The following GNG12 variants were observed in gnomAD, a reference collection of about 807,000 sequenced individuals.
GNG12 encodes the protein G protein subunit gamma 12.
For missense variants in GNG12, 69 were observed against 83.8 expected, an observed-to-expected ratio of 0.82 and a Z score of 0.69; for synonymous variants, 28 against 29.7, an observed-to-expected ratio of 0.94 and a Z score of 0.19.
chr1:67,796,915 G>C (rs1464279772), intron 1 of GNG12, among the ~76,000 whole-genome samples: 1 of 152,164 alleles, frequency 6.6e-6, no homozygotes, highest in African/African-American at 2.4e-5. Context: ...GGCAAAGGGG[G>C]AACAGGTGTG....
At chr1:67,818,729 G>T (rs567289699) in intron 1 of GNG12, among the ~76,000 whole-genome samples, 1 of 152,232 alleles carries the variant, frequency 6.6e-6, no homozygotes, top group African/African-American at 2.4e-5. Context: ...GAGAGATCAA[G>T]AATAATGTTC....
At chr1:67,779,588 G>T (rs1646725587) in intron 1 of GNG12, among the ~76,000 whole-genome samples, 1 of 152,100 alleles carries the variant, frequency 6.6e-6, no homozygotes, top group East Asian at 1.9e-4. Context: ...GTATCAGTGG[G>T]TCTTCACATC....
At chr1:67,770,515 G>T (rs934688001) in intron 2 of GNG12, among the ~76,000 whole-genome samples, 1 of 152,084 alleles carries the variant, frequency 6.6e-6, no homozygotes, top group African/African-American at 2.4e-5. Context: ...GGCAGCCTGG[G>T]TGTCTTTGCA....
chr1:67,779,248 A>G (rs1646723714), intron 1 of GNG12, among the ~76,000 whole-genome samples: 1 of 152,198 alleles, frequency 6.6e-6, no homozygotes, highest in African/African-American at 2.4e-5. Flanking sequence ...CCGCAAAAGA[A>G]TCACACTCAG....
intron 2 of GNG12, among the ~76,000 whole-genome samples, chr1:67,764,302 A>G (rs1022122212): frequency 3.3e-5 from 5 of 152,112 alleles, no homozygotes; most frequent in Non-Finnish European, 5.9e-5. Flanking sequence ...GGACCAGGAG[A>G]AAGAGGTGGG....
intron 2 of GNG12, among the ~76,000 whole-genome samples, chr1:67,725,697 A>G (rs904244858): frequency 6.6e-6 from 1 of 152,218 alleles, no homozygotes; most frequent in Non-Finnish European, 1.5e-5. Flanking sequence ...CAAGCCATTT[A>G]AAGTCCAAAC....
intron 1 of GNG12, among the ~76,000 whole-genome samples, chr1:67,821,064 T>C (rs1646981947): frequency 6.6e-6 from 1 of 152,200 alleles, no homozygotes. Context: ...TTTCATCAAT[T>C]CTAAGAAGCA....
At position 67,701,802 on chromosome 1, in the gene GNG12, C is replaced by G. The variant is rs1459997088; in HGVS notation, c.*3649G>C. ...CATGGCTAAAAACAAGACATTATTA[C>G]AGTAACCAAGTCCATAAAACTAGAA... On this transcript the variant is annotated 3_prime_UTR_variant, in exon 4 of 4. Coordinates refer to ENST00000370982, the MANE Select transcript of GNG12 (RefSeq NM_018841.6). 2 of 152,546 alleles carry G rather than the reference C, an allele frequency of 1.3e-5. No homozygotes were observed. Among genetic ancestry groups the G allele is most frequent in the Non-Finnish European group, 2.9e-5 (2 of 68,022 alleles). 9.4% of individuals were successfully genotyped at this position (152,546 alleles called of 1,614,324 possible). A position where few individuals can be genotyped will look rare whatever the true frequency, so the allele number is the denominator to read the frequency against.
chr1:67,788,136 A>G (rs765052646), intron 1 of GNG12, among the ~76,000 whole-genome samples: 6 of 152,156 alleles, frequency 3.9e-5, no homozygotes, highest in Non-Finnish European at 7.3e-5. Context: ...CTCCTATATA[A>G]TTTGCCATAA....
chr1:67,709,681 A>C (rs915973786), intron 2 of GNG12, among the ~76,000 whole-genome samples: 4 of 150,316 alleles, frequency 2.7e-5, no homozygotes, highest in African/African-American at 9.8e-5. Context: ...GCTCACACCG[A>C]GTGGCCTGGC....
intron 2 of GNG12, among the ~76,000 whole-genome samples, chr1:67,730,237 C>G (rs1271522723): frequency 6.6e-6 from 1 of 152,198 alleles, no homozygotes; most frequent in Non-Finnish European, 1.5e-5. Flanking sequence ...TGGTGACTTA[C>G]GCCTGTAATC....
chr1:67,802,892 C>G (rs1219968167), intron 1 of GNG12, among the ~76,000 whole-genome samples: 1 of 152,184 alleles, frequency 6.6e-6, no homozygotes, highest in Non-Finnish European at 1.5e-5. Context: ...ACGCTCAGTC[C>G]CTGTTGTATG....
At chr1:67,822,088 AT>A (rs1402382002) in intron 1 of GNG12, among the ~76,000 whole-genome samples, 2 of 152,140 alleles carry the variant, frequency 1.3e-5, no homozygotes, top group Non-Finnish European at 2.9e-5. Context: ...CGCAAAAAAA[AT>A]CTCATAATGT....
chr1:67,752,405 C>T (rs1339200948), intron 2 of GNG12, among the ~76,000 whole-genome samples: 1 of 152,206 alleles, frequency 6.6e-6, no homozygotes, highest in African/African-American at 2.4e-5. Flanking sequence ...TACTTTGTCT[C>T]TGAAAAATGC....
At chr1:67,737,961 C>CT (rs904683533) in intron 2 of GNG12, among the ~76,000 whole-genome samples, 17 of 151,240 alleles carry the variant, frequency 1.1e-4, no homozygotes, top group East Asian at 5.8e-4. Context: ...TTTTCTTTTC[C>CT]TTTTTTTTTC....
chr1:67,816,616 T>C (rs1361978714), intron 1 of GNG12, among the ~76,000 whole-genome samples: 2 of 152,078 alleles, frequency 1.3e-5, no homozygotes, highest in Admixed American at 6.5e-5. Context: ...CCACTTACGG[T>C]GTGACTCCTA....
At chr1:67,797,510 CA>C (rs1422316200) in intron 1 of GNG12, among the ~76,000 whole-genome samples, 1 of 152,148 alleles carries the variant, frequency 6.6e-6, no homozygotes, top group Non-Finnish European at 1.5e-5. Context: ...CTGTGAAAGC[CA>C]AACAACTCAA....
intron 1 of GNG12, among the ~76,000 whole-genome samples, chr1:67,784,323 G>A (rs1009176444): frequency 2.5e-5 from 3 of 119,546 alleles, no homozygotes; most frequent in African/African-American, 9.3e-5. Context: ...TTGTGGGGTG[G>A]GGGGAGGGGG....
chr1:67,719,291 C>T (rs1420967454), intron 2 of GNG12, among the ~76,000 whole-genome samples: 5 of 152,126 alleles, frequency 3.3e-5, no homozygotes, highest in Non-Finnish European at 7.4e-5. Flanking sequence ...CGGTCTGTCT[C>T]CCTAATTAAT....
Sources: allele counts gnomAD v4.1 joint callset (sites outside exome capture counted in the v4.1 genomes callset), GRCh38; gene constraint gnomAD v4.1.1; transcripts MANE v1.5; gene names NCBI Gene and HGNC (gene_info 2026-07-23, HGNC 2026-07-21).